DGKI: variants seen among roughly 807,000 people sequenced by gnomAD.
The protein encoded by DGKI is DAG kinase iota.
DGKI carries 55 observed loss-of-function variants against 147.5 expected under a neutral mutation model. That is an observed-to-expected ratio of 0.37 (90% CI 0.30 to 0.47). DGKI has a LOEUF of 0.47. Ranked by LOEUF, DGKI falls within the 20% of genes least tolerant of loss-of-function variation. The pLI is 1.00. For missense variants in DGKI, 1,007 were observed against 1,323.8 expected, an observed-to-expected ratio of 0.76 and a Z score of 3.71; for synonymous variants, 469 against 477.1, an observed-to-expected ratio of 0.98 and a Z score of 0.22.
chr7:137,461,367 C>A (rs1814436085), intron 27 of DGKI, among the ~76,000 whole-genome samples: 1 of 152,120 alleles, frequency 6.6e-6, no homozygotes, highest in Non-Finnish European at 1.5e-5. Flanking sequence ...TGATACAAAG[C>A]AAGTGGGAAG....
At chr7:137,838,981 G>A (rs192750385) in intron 1 of DGKI, among the ~76,000 whole-genome samples, 2 of 152,296 alleles carry the variant, frequency 1.3e-5, no homozygotes, top group East Asian at 1.9e-4. Flanking sequence ...CCTCTGTCCT[G>A]GAATCACAGG....
At chr7:137,403,110 T>G (rs1169027731) in intron 30 of DGKI, among the ~76,000 whole-genome samples, 1 of 151,750 alleles carries the variant, frequency 6.6e-6, no homozygotes, top group Non-Finnish European at 1.5e-5. Flanking sequence ...AAAATATGGT[T>G]GAAAGGAGCT....
intron 1 of DGKI, chr7:137,843,287 A>G (rs1169370240): frequency 2.8e-6 from 1 of 352,266 alleles, no homozygotes; most frequent in Non-Finnish European, 4.0e-6. Context: ...TTAAAAAAAA[A>G]AACAGTTCCT....
At chr7:137,473,829 T>C (rs1411355809) in intron 23 of DGKI, among the ~76,000 whole-genome samples, 1 of 152,194 alleles carries the variant, frequency 6.6e-6, no homozygotes, top group Non-Finnish European at 1.5e-5. Context: ...AAAAAATGTA[T>C]TTATATTTAC....
chr7:137,583,501 C>A (rs1819278848), intron 14 of DGKI, among the ~76,000 whole-genome samples: 3 of 152,164 alleles, frequency 2.0e-5, no homozygotes, highest in Non-Finnish European at 4.4e-5. Flanking sequence ...TCACCATCAC[C>A]TAAATCATAT....
At chr7:137,517,046 G>A (rs4412317) in intron 21 of DGKI, among the ~76,000 whole-genome samples, 33,253 of 151,152 alleles carry the variant, frequency 0.22, 6,405 homozygotes, top group African/African-American at 0.52. Flanking sequence ...ACATGATGGG[G>A]CAAAAAGCCT....
chr7:137,447,432 G>A (rs531642786), intron 27 of DGKI, among the ~76,000 whole-genome samples: 3 of 152,284 alleles, frequency 2.0e-5, no homozygotes, highest in Admixed American at 1.3e-4. Flanking sequence ...AGAACAGGGA[G>A]ATTGATTCAG....
At chr7:137,577,152 A>C in intron 17 of DGKI, 70 bp downstream of exon 17, 1 of 1,078,298 alleles carries the variant, frequency 9.3e-7, no homozygotes, top group African/African-American at 1.6e-5. Context: ...ATATAAACTA[A>C]GTATTTGGGA....
At position 137,664,142 on chromosome 7, in the gene DGKI, C is replaced by T. The variant is rs536192038; in HGVS notation, c.607-7602G>A. The stretch of plus-strand genomic sequence containing the variant: ...CTGTAATCCCAGAACTTTGGGAGAC[C>T]GAGGCAGGAAGATTACATGAGGCTG... On this transcript the variant is annotated intron_variant, in intron 3 of 32. Transcript: ENST00000614521. Among the ~76,000 whole-genome samples the T allele has an allele frequency of 4.0e-5, 6 of 151,894 alleles. No individual in the cohort carries two copies. The South Asian group carries it at 1.3e-3, about 32-fold the overall frequency.
chr7:137,824,631 G>A (rs765596836), intron 1 of DGKI, among the ~76,000 whole-genome samples: 2 of 151,910 alleles, frequency 1.3e-5, no homozygotes, highest in African/African-American at 2.4e-5. Flanking sequence ...TTACACAAGC[G>A]GTTGGTTGTA....
chr7:137,599,549 A>G (rs2128989089), intron 11 of DGKI, among the ~76,000 whole-genome samples: 1 of 152,342 alleles, frequency 6.6e-6, no homozygotes, highest in East Asian at 1.9e-4. Flanking sequence ...CAATTCACAG[A>G]TTTGCAGAGA....
chr7:137,539,636 T>C (rs1817623990), intron 20 of DGKI, among the ~76,000 whole-genome samples: 1 of 151,924 alleles, frequency 6.6e-6, no homozygotes, highest in Non-Finnish European at 1.5e-5. Flanking sequence ...ACTTGTGGCC[T>C]GAACTTGAGT....
intron 28 of DGKI, among the ~76,000 whole-genome samples, chr7:137,413,736 G>T (rs1812253288): frequency 1.3e-5 from 2 of 152,130 alleles, no homozygotes; most frequent in African/African-American, 4.8e-5. Context: ...ATAGTACTAA[G>T]ATGAACAGTG....
intron 10 of DGKI, among the ~76,000 whole-genome samples, chr7:137,603,281 A>G (rs1055141869): frequency 5.9e-5 from 9 of 152,202 alleles, no homozygotes; most frequent in Non-Finnish European, 1.2e-4. Flanking sequence ...ATAGCTCATC[A>G]ATCTTCATCA....
chr7:137,805,501 G>A (rs939133305), intron 1 of DGKI, among the ~76,000 whole-genome samples: 1 of 152,184 alleles, frequency 6.6e-6, no homozygotes, highest in Non-Finnish European at 1.5e-5. Flanking sequence ...AGCAGCCGTG[G>A]TTGGTTTCCC....
Position 137,521,986 on chromosome 7 carries a change from T to A in DGKI, c.2148-20A>T, listed in dbSNP as rs1467038413. 2.5e-6 allele frequency: 4 copies of A among 1,586,702 alleles called. No individual in the cohort carries two copies. The Admixed American group carries it at 5.1e-5, about 20-fold the overall frequency. ...TGGGGACTGCAAAACAAGAACCGAG[T>A]GGTCAGATACAAATGAGAGAGCGGA... On this transcript the variant is annotated intron_variant, in intron 20 of 32. Transcript: ENST00000614521.
At chr7:137,800,624 G>C (rs1057405596) in intron 1 of DGKI, among the ~76,000 whole-genome samples, 3 of 152,066 alleles carry the variant, frequency 2.0e-5, no homozygotes, top group Middle Eastern at 3.2e-3. Context: ...CCTAGTCTCA[G>C]GTTTTCTTTA....
At chr7:137,700,081 C>T (rs1416953037) in intron 1 of DGKI, among the ~76,000 whole-genome samples, 1 of 152,144 alleles carries the variant, frequency 6.6e-6, no homozygotes, top group Non-Finnish European at 1.5e-5. Context: ...CTACCTACTT[C>T]GATGTCAGGC....
chr7:137,756,414 G>A (rs1795683540), intron 1 of DGKI, among the ~76,000 whole-genome samples: 1 of 152,102 alleles, frequency 6.6e-6, no homozygotes, highest in Admixed American at 6.5e-5. Flanking sequence ...AAAGTCATTC[G>A]GGAACCGTCA....
Sources: allele counts gnomAD v4.1 joint callset (sites outside exome capture counted in the v4.1 genomes callset), GRCh38; gene constraint gnomAD v4.1.1; transcripts MANE v1.5; gene names NCBI Gene and HGNC (gene_info 2026-07-23, HGNC 2026-07-21).